The following ZNF317 variants were observed in gnomAD, a reference collection of about 807,000 sequenced individuals.
ZNF317 encodes zinc finger protein 317.
A neutral mutation model predicts 23.4 loss-of-function variants in ZNF317; 17 were observed. The ratio of observed to expected loss-of-function variants is 0.73; its 90% confidence interval spans 0.50 to 1.09. ZNF317 has a LOEUF of 1.09. ZNF317 is among the 50% of genes least tolerant of loss of function. The probability of loss-of-function intolerance (pLI) is 0.00; values close to 1 mark genes in which losing one functional copy is unlikely to be tolerated. For synonymous variants in ZNF317, 317 were observed against 314.9 expected (o/e 1.01, Z -0.07); for missense variants, 679 against 796.7 (o/e 0.85, Z 1.78).
chr19:9,147,750 T>A (rs2050698929), intron 1 of ZNF317, among the ~76,000 whole-genome samples: 2 of 152,184 alleles, frequency 1.3e-5, no homozygotes, highest in Non-Finnish European at 1.5e-5. Flanking sequence ...GTCGCTTAGA[T>A]GCTGAAATCT....
At position 9,160,527 on chromosome 19, in the gene ZNF317, A is replaced by C; in HGVS notation, c.882A>C (p.Lys294Asn). The change falls in exon 7 of 7, where the codon AAA becomes AAC. Residue 294 changes from lysine (K) to asparagine (N), a missense_variant. By Grantham distance (94) the Lys-to-Asn change is moderately conservative. Transcript: ENST00000247956. This position sits in a 1 kb window ranked among gnomAD's most constrained non-coding sequence, Gnocchi z 6.8. The part of the protein sequence containing the change: ...GNAFRTLSAL[K>N]IHMRVHTGER... ...CATTCCGGACCCTCTCGGCCCTGAA[A>C]ATCCACATGCGAGTTCACACTGGCG... is the stretch of plus-strand genomic sequence containing the variant. The C allele has an allele frequency of 6.2e-7, 1 of 1,614,174 alleles. No homozygotes were observed. Among genetic ancestry groups the C allele is most frequent in the Non-Finnish European group, 8.5e-7 (1 of 1,180,032 alleles).
At chr19:9,144,153 G>A (rs1193450694) in intron 1 of ZNF317, among the ~76,000 whole-genome samples, 3 of 151,614 alleles carry the variant, frequency 2.0e-5, no homozygotes, top group African/African-American at 4.8e-5. Context: ...CAGGCGCATG[G>A]CACCACACCC....
At chr19:9,156,157 G>T in intron 2 of ZNF317, 116 bp downstream of exon 2, 1 of 1,360,612 alleles carries the variant, frequency 7.3e-7, no homozygotes, top group Non-Finnish European at 1.0e-6. Flanking sequence ...TGGGCAAGTG[G>T]AAAAGGGGTG....
chr19:9,145,997 T>C (rs1187356221), intron 1 of ZNF317, among the ~76,000 whole-genome samples: 3 of 152,104 alleles, frequency 2.0e-5, no homozygotes, highest in Non-Finnish European at 4.4e-5. Context: ...TTATTATTAT[T>C]ATTATTATTG....
In ZNF317 at chr19:9,156,729, C is replaced by A. The variant is rs1223681878; in HGVS notation, c.143C>A (p.Thr48Lys). ...GTGTGCAGTGGTCTGGAGCCTCACACACCCAGTGTTGGTTCCCAGGTGCAC... is the reference window on the plus strand; with the variant it reads ...GTGTGCAGTGGTCTGGAGCCTCACAAACCCAGTGTTGGTTCCCAGGTGCAC... ...LFVCSGLEPH[T>K]PSVGSQESVT... is the part of the protein sequence containing the mutation. Residue 48 changes from threonine to lysine, a missense_variant, in exon 3 of 7, where the codon ACA (threonine) becomes AAA (lysine). Coordinates refer to ENST00000247956, the MANE Select transcript of ZNF317 (RefSeq NM_020933.5). 2 of 1,614,088 alleles carry A rather than the reference C, an allele frequency of 1.2e-6. No individual in the cohort carries two copies. The highest frequency in any genetic ancestry group is 1.7e-6 in the Non-Finnish European group (2 of 1,179,990).
Position 9,160,327 on chromosome 19 carries a change from C to T in ZNF317, c.682C>T (p.Gln228Ter). 1 of 1,614,154 alleles carries T rather than the reference C, an allele frequency of 6.2e-7. No individual in the cohort carries two copies. Residue 228 changes from glutamine to a stop codon, truncating the protein, a stop_gained, in exon 7 of 7, where the codon CAA (glutamine) becomes TAA (stop). Transcript: ENST00000247956. LOFTEE classifies it low-confidence loss of function (END_TRUNC). This position sits in a 1 kb window ranked among gnomAD's most constrained non-coding sequence, Gnocchi z 6.8. ...AAAAATGCATGAATGTCATCAGTGC[C>T]AAAAAGCCTTCACCACGAGCGCGTC... The part of the protein sequence containing the change: ...GRKMHECHQC[Q>*]KAFTTSASLT...
At chr19:9,153,441 G>T (rs1600227044) in intron 1 of ZNF317, among the ~76,000 whole-genome samples, 1 of 152,216 alleles carries the variant, frequency 6.6e-6, no homozygotes, top group South Asian at 2.1e-4. Flanking sequence ...GGGATTACAG[G>T]TGGGAGCCAC....
intron 1 of ZNF317, among the ~76,000 whole-genome samples, chr19:9,141,763 A>G (rs1039105473): frequency 6.6e-6 from 1 of 152,100 alleles, no homozygotes; most frequent in Non-Finnish European, 1.5e-5. Context: ...TCATTTATTT[A>G]CATCTTCTTT....
At position 9,156,904 on chromosome 19, in the gene ZNF317, TG is replaced by T. The variant is rs1464387653; in HGVS notation, c.162+160del. 19 of 960,356 alleles carry T rather than the reference TG, an allele frequency of 2.0e-5. No individual in the cohort carries two copies. The African/African-American group carries it at 2.6e-4, about 13-fold the overall frequency. 59.5% of individuals were successfully genotyped at this position (960,356 alleles called of 1,614,324 possible). ...AGGAATATTGGGGCTGTCCTGGTGTTGGGGAAGTTAGGGGAAGTGATTTATG... is the reference window on the plus strand; with the variant it reads ...AGGAATATTGGGGCTGTCCTGGTGTTGGGAAGTTAGGGGAAGTGATTTATG... On this transcript the variant is annotated intron_variant, in intron 3 of 6. Coordinates refer to ENST00000247956, the MANE Select transcript of ZNF317 (RefSeq NM_020933.5).
At position 9,157,694 on chromosome 19, in the gene ZNF317, T is replaced by A. The variant is rs1478008904; in HGVS notation, c.290-286T>A. 7.0e-5 allele frequency: 35 copies of A among 501,090 alleles called. 1 individual carries two copies. Among genetic ancestry groups the A allele is most frequent in the South Asian group, 1.3e-4 (2 of 15,640 alleles). 31.0% of individuals were successfully genotyped at this position (501,090 alleles called of 1,614,324 possible). Reference sequence around the variant, plus strand: ...TATTTCCTATTTCTTTTTTTTTTTTTTTTTTTTTATTTTTGGTGATGAAGG... The same window carrying A: ...TATTTCCTATTTCTTTTTTTTTTTTATTTTTTTTATTTTTGGTGATGAAGG... On this transcript the variant is annotated intron_variant, in intron 4 of 6. Coordinates refer to ENST00000247956, the MANE Select transcript of ZNF317 (RefSeq NM_020933.5).
intron 1 of ZNF317, among the ~76,000 whole-genome samples, chr19:9,147,348 T>TG (rs1211419757): frequency 4.0e-5 from 5 of 125,914 alleles, no homozygotes; most frequent in African/African-American, 1.5e-4. Flanking sequence ...TTTTTTTTTT[T>TG]TTTTTTTTTG....
chr19:9,141,574 C>G lies in ZNF317; in HGVS notation c.-93+982C>G, dbSNP rs574884969. On this transcript the variant is annotated intron_variant, in intron 1 of 6. Transcript: ENST00000247956. ...TTGTAATTTAGAGATTTCTAAATAT[C>G]TTGTAGATGAAGTACTTACACCTAG... 6.6e-5 allele frequency among the ~76,000 whole-genome samples: 10 copies of G among 152,260 alleles called. No homozygotes were observed. The South Asian group carries it at 1.9e-3, about 28-fold the overall frequency.
rs1433783423 is a variant in ZNF317, at chr19:9,163,001, G to A, written c.*1568G>A. ...TTCTTCCAATATCAAGAGAATCCAGGTTCTGTCAGATTAGTAAGGTGTGCT... is the reference window on the plus strand; with the variant it reads ...TTCTTCCAATATCAAGAGAATCCAGATTCTGTCAGATTAGTAAGGTGTGCT... On this transcript the variant is annotated 3_prime_UTR_variant, in exon 7 of 7. Transcript: ENST00000247956. The A allele has an allele frequency of 6.6e-6, 1 of 152,096 alleles. No homozygotes were observed. Among genetic ancestry groups the A allele is most frequent in the East Asian group, 1.9e-4 (1 of 5,196 alleles). The allele number at this position is 152,096 out of a possible 1,614,324, so 9.4% of individuals were successfully genotyped here.
At chr19:9,146,429 C>CT (rs59017993) in intron 1 of ZNF317, among the ~76,000 whole-genome samples, 37,617 of 137,246 alleles carry the variant, frequency 0.27, 6,497 homozygotes, top group African/African-American at 0.5. Flanking sequence ...TACTTTTTTT[C>CT]TTTTTTTTTT....
intron 1 of ZNF317, among the ~76,000 whole-genome samples, chr19:9,141,540 A>G (rs762989323): frequency 1.4e-4 from 22 of 152,206 alleles, no homozygotes; most frequent in Non-Finnish European, 1.2e-4. Flanking sequence ...TATTGATTCA[A>G]GCACACCTTT....
chr19:9,141,349 G>A (rs979336702), intron 1 of ZNF317, among the ~76,000 whole-genome samples: 1 of 152,146 alleles, frequency 6.6e-6, no homozygotes, highest in African/African-American at 2.4e-5. Context: ...CCAAGAAAGA[G>A]ATTATTAAAT....
rs1007897434 is a variant in ZNF317, at chr19:9,161,962, T to C, written c.*529T>C. 1 of 153,142 alleles carries C rather than the reference T, an allele frequency of 6.5e-6. No individual in the cohort carries two copies. Among genetic ancestry groups the C allele is most frequent in the Non-Finnish European group, 1.5e-5 (1 of 68,738 alleles). 9.5% of individuals were successfully genotyped at this position (153,142 alleles called of 1,614,324 possible). Reference sequence around the variant, plus strand: ...CAAACCACGGCCAGCTGCTTGTCTTTGTATGGCTTGCCAGCTAACAATAGT... The same window carrying C: ...CAAACCACGGCCAGCTGCTTGTCTTCGTATGGCTTGCCAGCTAACAATAGT... On this transcript the variant is annotated 3_prime_UTR_variant, in exon 7 of 7. Coordinates refer to ENST00000247956, the MANE Select transcript of ZNF317 (RefSeq NM_020933.5). The surrounding 1 kb of genome is among the most constrained non-coding windows in gnomAD (Gnocchi z 4.0).
Position 9,160,361 on chromosome 19 carries a change from G to A in ZNF317, c.716G>A (p.Arg239Gln), listed in dbSNP as rs867982372. 1.9e-6 allele frequency: 3 copies of A among 1,614,038 alleles called. No homozygotes were observed. The highest frequency in any genetic ancestry group is 2.7e-5 in the African/African-American group (2 of 74,916). ...TTCACCACGAGCGCGTCCCTCACAC[G>A]GCACAGGAGAATCCACACCGGGGAG... ...KAFTTSASLT[R>Q]HRRIHTGEKP... is the part of the protein sequence containing the mutation. Residue 239 changes from arginine to glutamine, a missense_variant, in exon 7 of 7, where the codon CGG (arginine) becomes CAG (glutamine). Coordinates refer to ENST00000247956, the MANE Select transcript of ZNF317 (RefSeq NM_020933.5). The surrounding 1 kb of genome is among the most constrained non-coding windows in gnomAD (Gnocchi z 6.8).
intron 1 of ZNF317, among the ~76,000 whole-genome samples, chr19:9,141,916 C>T (rs994508867): frequency 1.3e-5 from 2 of 152,260 alleles, no homozygotes; most frequent in African/African-American, 4.8e-5. Context: ...AGCGGTTCTC[C>T]TGCCTCAGCC....
Sources: allele counts gnomAD v4.1 joint callset (sites outside exome capture counted in the v4.1 genomes callset), GRCh38; gene constraint gnomAD v4.1.1; non-coding constraint Gnocchi (gnomAD v3.1); transcripts MANE v1.5; gene names NCBI Gene and HGNC (gene_info 2026-07-23, HGNC 2026-07-21).